The following SPATA25 variants were observed in gnomAD, a reference collection of about 807,000 sequenced individuals.
SPATA25 encodes spermatogenesis associated 25.
SPATA25 carries 16 observed loss-of-function variants against 16.0 expected under a neutral mutation model. That is an observed-to-expected ratio of 1.00 (90% CI 0.68 to 1.52). The LOEUF is 1.52. Ranked by LOEUF, SPATA25 falls within the 40% of genes most tolerant of loss-of-function variation. SPATA25 has a pLI of 0.00. For missense variants in SPATA25, 285 were observed against 289.2 expected (o/e 0.99, Z 0.11); for synonymous variants, 115 against 118.5 (o/e 0.97, Z 0.19).
upstream of SPATA25, among the ~76,000 whole-genome samples, chr20:45,889,332 A>G (rs1986622560): frequency 6.6e-6 from 1 of 151,872 alleles, no homozygotes; most frequent in Admixed American, 6.6e-5. Context: ...GCCCAAGTCT[A>G]TGAGCATGTT....
chr20:45,888,104 G>A (rs2145805591), upstream of SPATA25, among the ~76,000 whole-genome samples: 1 of 152,284 alleles, frequency 6.6e-6, no homozygotes, highest in African/African-American at 2.4e-5. Flanking sequence ...TGCAACCTCT[G>A]CCTCCTGGGT....
In SPATA25 at chr20:45,886,961, C is replaced by T. The variant is rs367735981; in HGVS notation, c.240G>A (p.Glu80=). 4 of 1,613,938 alleles carry T rather than the reference C, an allele frequency of 2.5e-6. No individual in the cohort carries two copies. In the African/African-American group the frequency reaches 5.3e-5, roughly 22 times the overall value. ...ARGCPGGTSW[E]TLRKEYSRNC... Reference sequence around the variant, plus strand: ...TTCGGCTGTATTCCTTCCGTAGTGTCTCCCAGCTAGTCCCCCCAGGGCAGC... The same window carrying T: ...TTCGGCTGTATTCCTTCCGTAGTGTTTCCCAGCTAGTCCCCCCAGGGCAGC... The change falls in exon 2 of 2, where the codon GAG becomes GAA. Residue 80 remains glutamate (E), a synonymous_variant. Transcript: ENST00000372519.
At position 45,886,741 on chromosome 20, in the gene SPATA25, T is replaced by A; in HGVS notation, c.460A>T (p.Ile154Phe). Residue 154 changes from isoleucine to phenylalanine, a missense_variant, in exon 2 of 2, where the codon ATC (isoleucine) becomes TTC (phenylalanine). Physicochemically the swap from Ile to Phe is conservative, Grantham distance 21. Coordinates refer to ENST00000372519, the MANE Select transcript of SPATA25 (RefSeq NM_080608.4). ...KEASSQPDIC[I>F]LTLAMMIAGI... ...GCGATCATCATGGCGAGGGTGAGGA[T>A]GCAGATATCAGGCTGGGAGCTGGCC... 1.9e-6 allele frequency: 3 copies of A among 1,614,060 alleles called. No homozygotes were observed. Among genetic ancestry groups the A allele is most frequent in the Non-Finnish European group, 2.5e-6 (3 of 1,180,028 alleles).
upstream of SPATA25, chr20:45,888,731 A>C (rs1299787351): frequency 6.2e-7 from 1 of 1,612,416 alleles, no homozygotes; most frequent in African/African-American, 1.3e-5. Context: ...TCCAGGATGC[A>C]GCTGTGCTCT....
upstream of SPATA25, among the ~76,000 whole-genome samples, chr20:45,889,340 G>A (rs1420291110): frequency 6.6e-6 from 1 of 151,090 alleles, no homozygotes; most frequent in Non-Finnish European, 1.5e-5. Flanking sequence ...CTATGAGCAT[G>A]TTTCTTTCTT....
upstream of SPATA25, chr20:45,890,309 G>A (rs1481550218): frequency 1.2e-6 from 2 of 1,613,364 alleles, no homozygotes; most frequent in East Asian, 4.5e-5. Context: ...GTCCACCACC[G>A]CGTAGAGGGG....
chr20:45,887,959 G>C (rs1287497442), upstream of SPATA25, among the ~76,000 whole-genome samples: 1 of 152,212 alleles, frequency 6.6e-6, no homozygotes, highest in Admixed American at 6.5e-5. Context: ...CAGGAGCCAA[G>C]TGCTTCGTGC....
chr20:45,887,750 G>A, upstream of SPATA25: 1 of 582,570 alleles, frequency 1.7e-6, no homozygotes, highest in East Asian at 3.2e-5. Flanking sequence ...ATGACAATAG[G>A]ATGAGGTTAA....
At chr20:45,890,252 C>T (rs150038641), upstream of SPATA25, 85 of 1,613,754 alleles carry the variant, frequency 5.3e-5, no homozygotes, top group Non-Finnish European at 6.4e-5. Flanking sequence ...ATACCTACAG[C>T]CATACTCGAG....
At chr20:45,888,898 C>T (rs746769331), upstream of SPATA25, 2 of 1,613,632 alleles carry the variant, frequency 1.2e-6, no homozygotes, top group Non-Finnish European at 8.5e-7. Flanking sequence ...CTGTGAAAGG[C>T]AAACTGAACT....
At chr20:45,888,494 CACTCTTTACATATCCTAAG>C, upstream of SPATA25, 1 of 431,696 alleles carries the variant, frequency 2.3e-6, no homozygotes, top group South Asian at 3.3e-5. Context: ...GGGACACCAG[CACTCTTTACATATCCTAAG>C]ATGACTCTAA....
At chr20:45,889,465 G>A (rs759187807), upstream of SPATA25, among the ~76,000 whole-genome samples, 1 of 151,804 alleles carries the variant, frequency 6.6e-6, no homozygotes, top group Non-Finnish European at 1.5e-5. Flanking sequence ...CGATCCTCCT[G>A]CCTTAGCCTC....
At chr20:45,887,231 G>T in intron 1 of SPATA25, 86 bp from the exon 2 acceptor site, 1 of 1,478,628 alleles carries the variant, frequency 6.8e-7, no homozygotes, top group African/African-American at 1.4e-5. Context: ...GCAGAGCTTG[G>T]GGGCGTAACT....
At chr20:45,889,123 G>GCC (rs893099188), upstream of SPATA25, among the ~76,000 whole-genome samples, 1 of 152,164 alleles carries the variant, frequency 6.6e-6, no homozygotes, top group Non-Finnish European at 1.5e-5. Flanking sequence ...GCTTCTGGGG[G>GCC]CAGGGGTAGT....
chr20:45,888,753 G>A (rs763292191), upstream of SPATA25: 1 of 1,613,886 alleles, frequency 6.2e-7, no homozygotes, highest in Non-Finnish European at 8.5e-7. Flanking sequence ...GTGCACTGTG[G>A]GTCTTCACTC....
At chr20:45,888,476 T>A (rs1472606189), upstream of SPATA25, 1 of 363,066 alleles carries the variant, frequency 2.8e-6, no homozygotes, top group African/African-American at 2.1e-5. Context: ...TCCCTAGGGA[T>A]GGGATGTGGG....
upstream of SPATA25, chr20:45,890,520 G>C (rs997216847): frequency 2.5e-6 from 4 of 1,601,692 alleles, no homozygotes; most frequent in African/African-American, 1.3e-5. Flanking sequence ...CCCACCAGGC[G>C]GTCCCGGGGA....
In SPATA25 at chr20:45,887,534, A is replaced by T; in HGVS notation, c.55+2T>A. 6.2e-7 allele frequency: 1 copy of T among 1,613,344 alleles called. No homozygotes were observed. Among genetic ancestry groups the T allele is most frequent in the Non-Finnish European group, 8.5e-7 (1 of 1,179,582 alleles). On this transcript the variant is annotated splice_donor_variant, in intron 1 of 1. Transcript: ENST00000372519. LOFTEE classifies it high-confidence loss of function. ...CTCCAATTGCAGGTGCCCCCCGCTC[A>T]CCTTGGCCGGAAGGCAGAGGACCTG... is the stretch of plus-strand genomic sequence containing the variant.
chr20:45,890,625 G>A (rs768110929), upstream of SPATA25: 13 of 1,612,956 alleles, frequency 8.1e-6, no homozygotes, highest in Non-Finnish European at 1.1e-5. Context: ...CCCTCCCGGG[G>A]CACGCGGTTG....
Sources: gnomAD v4.1 joint callset for allele counts (sites outside exome capture counted in the v4.1 genomes callset) on GRCh38, gnomAD v4.1.1 for gene constraint, MANE v1.5 for transcripts, NCBI Gene and HGNC (gene_info 2026-07-23, HGNC 2026-07-21) for gene names.